BMPER: variants seen among roughly 807,000 people sequenced by gnomAD.
BMPER encodes BMP binding endothelial regulator.
Under a neutral mutation model 87.3 loss-of-function variants are expected in BMPER, and 45 were observed. The observed-to-expected ratio is 0.52, with a 90% CI of 0.41 to 0.66. The LOEUF (loss-of-function observed/expected upper bound fraction) is 0.66. BMPER is among the 30% of genes least tolerant of loss of function. BMPER has a pLI of 0.00. For synonymous variants in BMPER, 326 were observed against 316.2 expected (o/e 1.03, Z -0.33); for missense variants, 784 against 867.5 (o/e 0.90, Z 1.21).
At chr7:34,086,140 A>C (rs537143507) in intron 13 of BMPER, 48 bp downstream of exon 13, 1 of 1,579,890 alleles carries the variant, frequency 6.3e-7, no homozygotes, top group East Asian at 2.2e-5. Context: ...GACCAATAAT[A>C]GACTTGACCT....
Position 34,154,168 on chromosome 7 carries a change from T to G in BMPER, c.*895T>G, listed in dbSNP as rs997833316. 1.3e-5 allele frequency: 2 copies of G among 152,682 alleles called. No homozygotes were observed. The highest frequency in any genetic ancestry group is 2.9e-5 in the Non-Finnish European group (2 of 68,050). 9.5% of individuals were successfully genotyped at this position (152,682 alleles called of 1,614,324 possible). A position where few individuals can be genotyped will look rare whatever the true frequency, so the allele number is the denominator to read the frequency against. On this transcript the variant is annotated 3_prime_UTR_variant, in exon 15 of 15. Coordinates refer to ENST00000649409, the MANE Select transcript of BMPER (RefSeq NM_001365308.1). ...AAATCCAATGAGTTGATGTAACCCA[T>G]CTACATTTTGTGGCTATTTCATGTA...
At chr7:34,082,964 G>A (rs538637523) in intron 12 of BMPER, among the ~76,000 whole-genome samples, 5 of 152,132 alleles carry the variant, frequency 3.3e-5, no homozygotes, top group Admixed American at 3.3e-4. Flanking sequence ...CTCTTGCTGG[G>A]CAGCTGCCTA....
intron 2 of BMPER, chr7:33,922,047 C>T (rs1784245566): frequency 3.0e-6 from 1 of 338,866 alleles, no homozygotes; most frequent in African/African-American, 2.1e-5. Flanking sequence ...TTCTTCTCTC[C>T]CTTTTGCTGC....
chr7:33,937,573 TGGAA>T, intron 3 of BMPER, 185 bp downstream of exon 3: 2 of 631,180 alleles, frequency 3.2e-6, no homozygotes, highest in South Asian at 3.6e-5. Context: ...TATCTGGGGC[TGGAA>T]GGAAGGGGGC....
At chr7:34,001,991 G>C (rs1382181003) in intron 6 of BMPER, among the ~76,000 whole-genome samples, 1 of 151,024 alleles carries the variant, frequency 6.6e-6, no homozygotes, top group Non-Finnish European at 1.5e-5. Flanking sequence ...TTCTTTTATT[G>C]ACTTTCAATT....
At chr7:33,933,966 A>C (rs1469720966) in intron 2 of BMPER, among the ~76,000 whole-genome samples, 26 of 152,252 alleles carry the variant, frequency 1.7e-4, no homozygotes, top group Admixed American at 1.7e-3. Flanking sequence ...TTCTTAGCAC[A>C]GAGCCTGAAC....
chr7:34,074,878 CA>C (rs1195244649), intron 11 of BMPER, among the ~76,000 whole-genome samples: 1 of 152,168 alleles, frequency 6.6e-6, no homozygotes, highest in East Asian at 1.9e-4. Flanking sequence ...AATACATGCA[CA>C]AAATTATAAA....
At chr7:34,023,260 A>G (rs1787246347) in intron 6 of BMPER, among the ~76,000 whole-genome samples, 1 of 151,996 alleles carries the variant, frequency 6.6e-6, no homozygotes, top group Non-Finnish European at 1.5e-5. Flanking sequence ...ATCTTGGGGA[A>G]CCCAGACTCT....
chr7:33,943,341 C>CA (rs1290864250), intron 3 of BMPER, among the ~76,000 whole-genome samples: 1 of 152,144 alleles, frequency 6.6e-6, no homozygotes, highest in East Asian at 1.9e-4. Flanking sequence ...CATCAAAAAA[C>CA]AAAAAACCTA....
intron 13 of BMPER, among the ~76,000 whole-genome samples, chr7:34,127,501 C>T (rs1562760582): frequency 6.6e-6 from 1 of 152,140 alleles, no homozygotes; most frequent in East Asian, 1.9e-4. Context: ...CCCCTCTTCT[C>T]CCTGATCCCA....
chr7:33,931,220 A>C (rs1380743673), intron 2 of BMPER, among the ~76,000 whole-genome samples: 2 of 152,186 alleles, frequency 1.3e-5, no homozygotes, highest in South Asian at 2.1e-4. Flanking sequence ...CTGTTCCTAA[A>C]GTCTCAACAG....
intron 13 of BMPER, among the ~76,000 whole-genome samples, chr7:34,138,631 G>A (rs745709382): frequency 6.6e-6 from 1 of 152,198 alleles, no homozygotes; most frequent in Non-Finnish European, 1.5e-5. Flanking sequence ...TTAATTTGAA[G>A]CTCCTGTGAC....
chr7:33,908,678 G>C (rs934118379), intron 2 of BMPER, among the ~76,000 whole-genome samples: 6 of 152,230 alleles, frequency 3.9e-5, no homozygotes, highest in African/African-American at 1.4e-4. Context: ...TTAAGTAACA[G>C]TTGTAGGTAT....
chr7:33,931,661 A>G (rs1784484164), intron 2 of BMPER, among the ~76,000 whole-genome samples: 1 of 152,134 alleles, frequency 6.6e-6, no homozygotes, highest in Non-Finnish European at 1.5e-5. Flanking sequence ...ACATAGAGAG[A>G]CTAGAAATTC....
intron 2 of BMPER, among the ~76,000 whole-genome samples, chr7:33,928,767 G>A (rs1290965412): frequency 1.3e-5 from 2 of 151,652 alleles, no homozygotes; most frequent in Non-Finnish European, 2.9e-5. Flanking sequence ...TATCAGAAGG[G>A]CCTCCTTATT....
At chr7:34,089,328 A>G (rs1789312611) in intron 13 of BMPER, among the ~76,000 whole-genome samples, 1 of 152,184 alleles carries the variant, frequency 6.6e-6, no homozygotes, top group Admixed American at 6.5e-5. Context: ...TTTCTGAGAA[A>G]ATATTACCCA....
intron 3 of BMPER, chr7:33,937,604 T>C: frequency 1.8e-6 from 1 of 567,508 alleles, no homozygotes. Context: ...GGAGGAGGGA[T>C]GAAAGTATGT....
chr7:34,132,151 G>C lies in BMPER; in HGVS notation c.1746-11079G>C, dbSNP rs547175719. ...TGCCTCTTCGAGTAGATTATGCCGT[G>C]GGACAATTGTGTAGGCATGTTTTCT... is the stretch of plus-strand genomic sequence containing the variant. On this transcript the variant is annotated intron_variant, in intron 13 of 14. Coordinates refer to ENST00000649409, the MANE Select transcript of BMPER (RefSeq NM_001365308.1). Among the ~76,000 whole-genome samples, 10 of 152,236 alleles carry C rather than the reference G, an allele frequency of 6.6e-5. No homozygotes were observed. In the South Asian group the frequency reaches 1.5e-3, roughly 22 times the overall value.
chr7:33,936,077 G>A (rs1041036795), intron 2 of BMPER, among the ~76,000 whole-genome samples: 3 of 152,104 alleles, frequency 2.0e-5, no homozygotes, highest in Non-Finnish European at 2.9e-5. Context: ...CTGCAGGCTC[G>A]CATGTGTCTC....
Sources: allele counts gnomAD v4.1 joint callset (sites outside exome capture counted in the v4.1 genomes callset), GRCh38; gene constraint gnomAD v4.1.1; transcripts MANE v1.5; gene names NCBI Gene and HGNC (gene_info 2026-07-23, HGNC 2026-07-21).